The following RBMS3 variants were observed in gnomAD, a reference collection of about 807,000 sequenced individuals.
The protein encoded by RBMS3 is RNA binding motif single stranded interacting protein 3, also known as RNA-binding motif, single-stranded-interacting protein 3.
A neutral mutation model predicts 66.8 loss-of-function variants in RBMS3; 27 were observed. The ratio of observed to expected loss-of-function variants is 0.40; its 90% CI spans 0.30 to 0.56. The LOEUF (loss-of-function observed/expected upper bound fraction) is 0.56. Ranked by LOEUF, RBMS3 falls within the 20% of genes least tolerant of loss-of-function variation. The pLI is 0.40. For synonymous variants in RBMS3, 188 were observed against 183.0 expected (o/e 1.03, Z -0.22); for missense variants, 513 against 549.5 (o/e 0.93, Z 0.66).
intron 3 of RBMS3, among the ~76,000 whole-genome samples, chr3:29,525,773 G>A (rs1392154473): frequency 6.6e-6 from 1 of 152,130 alleles, no homozygotes; most frequent in Non-Finnish European, 1.5e-5. Flanking sequence ...TTCAGTATTA[G>A]GGGTTACATT....
At chr3:29,669,656 T>C (rs186024216) in intron 4 of RBMS3, among the ~76,000 whole-genome samples, 51 of 152,264 alleles carry the variant, frequency 3.3e-4, no homozygotes, top group African/African-American at 1.1e-3. Flanking sequence ...CCTAGAAACA[T>C]TGTGGGGGTT....
At chr3:29,808,252 A>G (rs1449750147) in intron 6 of RBMS3, among the ~76,000 whole-genome samples, 1 of 151,914 alleles carries the variant, frequency 6.6e-6, no homozygotes. Context: ...AAAGCTGCAT[A>G]ACTTCTACAG....
In RBMS3 at chr3:29,875,389, A is replaced by G. The variant is rs78135067; in HGVS notation, c.744+6425A>G. On this transcript the variant is annotated intron_variant, in intron 7 of 14. Coordinates refer to ENST00000383767, the MANE Select transcript of RBMS3 (RefSeq NM_001003793.3). ...TGTATATTTTTCATCCTACTTAACC[A>G]TGTTATGGTGGGGTTTAACAGTATA... 4.8e-3 allele frequency among the ~76,000 whole-genome samples: 730 copies of G among 152,248 alleles called. 21 individuals carry two copies. In the East Asian group the frequency reaches 0.072, roughly 15 times the overall value.
intron 6 of RBMS3, among the ~76,000 whole-genome samples, chr3:29,806,931 G>T (rs1346241176): frequency 6.6e-6 from 1 of 151,842 alleles, no homozygotes; most frequent in Non-Finnish European, 1.5e-5. Flanking sequence ...AGTGGCAATG[G>T]ATTTTTTCCA....
intron 10 of RBMS3, among the ~76,000 whole-genome samples, chr3:29,926,551 T>G (rs2060943894): frequency 6.6e-6 from 1 of 152,220 alleles, no homozygotes; most frequent in South Asian, 2.1e-4. Flanking sequence ...CAGGCCCATT[T>G]GCCAATAGGA....
intron 2 of RBMS3, among the ~76,000 whole-genome samples, chr3:29,469,917 A>G (rs1034680461): frequency 1.0e-4 from 15 of 148,444 alleles, no homozygotes; most frequent in Non-Finnish European, 2.1e-4. Flanking sequence ...CACATATTTA[A>G]TACTCATGTA....
chr3:29,945,427 G>A (rs13074743), intron 12 of RBMS3, among the ~76,000 whole-genome samples: 86,092 of 151,548 alleles, frequency 0.57, 27,005 homozygotes, highest in Non-Finnish European at 0.72. Context: ...ATTTGGCCGC[G>A]AAGTCATTTC....
intron 4 of RBMS3, among the ~76,000 whole-genome samples, chr3:29,640,280 A>ACACC (rs1220300080): frequency 6.6e-6 from 1 of 151,094 alleles, no homozygotes; most frequent in East Asian, 2.0e-4. Flanking sequence ...ACACACACAC[A>ACACC]CACACCCACA....
At chr3:29,552,325 C>G (rs904306398) in intron 3 of RBMS3, among the ~76,000 whole-genome samples, 21 of 152,092 alleles carry the variant, frequency 1.4e-4, no homozygotes, top group Non-Finnish European at 2.9e-4. Context: ...GCTGTAAGAT[C>G]TAAACTGCCA....
At chr3:29,564,802 T>C (rs2046684467) in intron 3 of RBMS3, among the ~76,000 whole-genome samples, 1 of 152,158 alleles carries the variant, frequency 6.6e-6, no homozygotes. Context: ...CCTGCTGTAA[T>C]GTGTCAGCTT....
At chr3:29,697,743 G>T (rs1210065882) in intron 4 of RBMS3, among the ~76,000 whole-genome samples, 1 of 152,230 alleles carries the variant, frequency 6.6e-6, no homozygotes, top group Middle Eastern at 3.4e-3. Context: ...TACACTATTT[G>T]AAAGTAATTT....
At position 29,558,157 on chromosome 3, in the gene RBMS3, A is replaced by G. The variant is rs184530032; in HGVS notation, c.308-28957A>G. Among the ~76,000 whole-genome samples the G allele has an allele frequency of 5.3e-5, 8 of 152,300 alleles. No homozygotes were observed. In the East Asian group the frequency reaches 5.8e-4, roughly 11 times the overall value. Reference sequence around the variant, plus strand: ...TTTTCATGTCAATTCCTCCATATACATACACATCCCATAACGGCACATAGA... The same window carrying G: ...TTTTCATGTCAATTCCTCCATATACGTACACATCCCATAACGGCACATAGA... On this transcript the variant is annotated intron_variant, in intron 3 of 14. Transcript: ENST00000383767.
intron 1 of RBMS3, among the ~76,000 whole-genome samples, chr3:29,308,405 T>G (rs1362135974): frequency 2.0e-5 from 3 of 151,762 alleles, no homozygotes; most frequent in Non-Finnish European, 4.4e-5. Context: ...CCAGAGTATA[T>G]CACAGTGTTT....
chr3:29,562,215 G>A (rs2046582453), intron 3 of RBMS3, among the ~76,000 whole-genome samples: 1 of 152,104 alleles, frequency 6.6e-6, no homozygotes, highest in African/African-American at 2.4e-5. Flanking sequence ...TAGCGTGGCT[G>A]GATGGGCCCT....
intron 10 of RBMS3, among the ~76,000 whole-genome samples, chr3:29,935,400 T>C (rs779051673): frequency 1.3e-3 from 205 of 152,074 alleles, no homozygotes; most frequent in Non-Finnish European, 2.0e-3. Context: ...GACACTTTTA[T>C]TTTTAAAAAA....
intron 10 of RBMS3, among the ~76,000 whole-genome samples, chr3:29,922,493 C>CAAAAAA (rs68121692): frequency 9.1e-5 from 9 of 99,060 alleles, no homozygotes; most frequent in African/African-American, 1.5e-4. Context: ...GACTCCGTCT[C>CAAAAAA]AAAAAAAAAA....
chr3:29,744,118 G>A (rs2054767111), intron 5 of RBMS3, among the ~76,000 whole-genome samples: 1 of 151,934 alleles, frequency 6.6e-6, no homozygotes, highest in African/African-American at 2.4e-5. Context: ...ATTTTTCCAG[G>A]TGGAGTTGAT....
intron 4 of RBMS3, among the ~76,000 whole-genome samples, chr3:29,625,467 G>A (rs1239364654): frequency 2.0e-5 from 3 of 152,094 alleles, no homozygotes; most frequent in African/African-American, 7.2e-5. Flanking sequence ...GCCGAGGCAG[G>A]TGGATCACCT....
intron 10 of RBMS3, among the ~76,000 whole-genome samples, chr3:29,920,833 G>C (rs2060754065): frequency 1.4e-5 from 2 of 141,996 alleles, no homozygotes; most frequent in African/African-American, 5.4e-5. Context: ...AAATTAGCCA[G>C]GTGTGGTGGC....
Sources: gnomAD v4.1 joint callset for allele counts (sites outside exome capture counted in the v4.1 genomes callset) on GRCh38, gnomAD v4.1.1 for gene constraint, MANE v1.5 for transcripts, NCBI Gene and HGNC (gene_info 2026-07-23, HGNC 2026-07-21) for gene names.